Variants in ARL8A observed in about 807,000 individuals in gnomAD.
ARL8A encodes ADP-ribosylation factor-like protein 8A.
Under a neutral mutation model 31.2 loss-of-function variants are expected in ARL8A, and 10 were observed. The observed-to-expected ratio is 0.32, with a 90% confidence interval of 0.20 to 0.54. ARL8A has a LOEUF of 0.54. Ranked by LOEUF, ARL8A falls within the 20% of genes least tolerant of loss-of-function variation. The pLI is 0.93. For missense variants in ARL8A, 129 were observed against 242.8 expected (o/e 0.53, Z 3.12); for synonymous variants, 70 against 86.9 (o/e 0.81, Z 1.08).
rs545814538 is a variant in ARL8A, at chr1:202,144,718, C to T, written c.-146G>A. Reference sequence around the variant, plus strand: ...GGCTCGAGCGCGGCTGCCGACGACTCGCTGCCCCGGAATCGGCTCGCCGAT... The same window carrying T: ...GGCTCGAGCGCGGCTGCCGACGACTTGCTGCCCCGGAATCGGCTCGCCGAT... On this transcript the variant is annotated 5_prime_UTR_variant, in exon 1 of 7. Transcript: ENST00000272217. This position sits in a 1 kb window ranked among gnomAD's most constrained non-coding sequence, Gnocchi z 5.2. The T allele has an allele frequency of 4.1e-4, 358 of 868,058 alleles. 1 individual carries two copies. Among genetic ancestry groups the T allele is most frequent in the Admixed American group, 6.4e-4 (11 of 17,202 alleles). The allele number at this position is 868,058 out of a possible 1,614,324, so 53.8% of individuals were successfully genotyped here.
intron 3 of ARL8A, among the ~76,000 whole-genome samples, chr1:202,137,706 G>A (rs961694016): frequency 2.0e-5 from 3 of 152,158 alleles, no homozygotes; most frequent in African/African-American, 7.2e-5. Context: ...AGGGAGACAA[G>A]TCAATGAAGA....
In ARL8A at chr1:202,139,202, C is replaced by T. The variant is rs1262559046; in HGVS notation, c.124-754G>A. The stretch of plus-strand genomic sequence containing the variant: ...ACTACCTACAGTCTTCAAATAAGGC[C>T]AGACCCAACTCCCTCCCAGGTCATA... On this transcript the variant is annotated intron_variant, in intron 1 of 6. Coordinates refer to ENST00000272217, the MANE Select transcript of ARL8A (RefSeq NM_138795.4). Among the ~76,000 whole-genome samples, 19 of 152,228 alleles carry T rather than the reference C, an allele frequency of 1.2e-4. No homozygotes were observed. In the East Asian group the frequency reaches 3.3e-3, roughly 26 times the overall value.
Position 202,144,576 on chromosome 1 carries a change from C to G in ARL8A, c.-4G>C. On this transcript the variant is annotated 5_prime_UTR_variant, in exon 1 of 7. Coordinates refer to ENST00000272217, the MANE Select transcript of ARL8A (RefSeq NM_138795.4). The surrounding 1 kb of genome is among the most constrained non-coding windows in gnomAD (Gnocchi z 5.2). The stretch of plus-strand genomic sequence containing the variant: ...GCTTGTTGAACAAAGCGATCATGGT[C>G]GCTGCCGCCGGCCCCGCCCGGTGCC... The G allele has an allele frequency of 7.0e-7, 1 of 1,422,990 alleles. No homozygotes were observed. Among genetic ancestry groups the G allele is most frequent in the Non-Finnish European group, 9.4e-7 (1 of 1,066,920 alleles). The allele number at this position is 1,422,990 out of a possible 1,614,324, so 88.1% of individuals were successfully genotyped here.
At position 202,138,518 on chromosome 1, in the gene ARL8A, C is replaced by G; in HGVS notation, c.124-70G>C. ...GCCCCCACCGCAGACCAAGAGGCTG[C>G]GAGAACCATGCAGAGGCCAGGCCAG... is the stretch of plus-strand genomic sequence containing the variant. On this transcript the variant is annotated intron_variant, in intron 1 of 6. Coordinates refer to ENST00000272217, the MANE Select transcript of ARL8A (RefSeq NM_138795.4). The surrounding 1 kb of genome is among the most constrained non-coding windows in gnomAD (Gnocchi z 4.4). The G allele has an allele frequency of 1.4e-6, 2 of 1,466,532 alleles. No individual in the cohort carries two copies. The highest frequency in any genetic ancestry group is 9.5e-7 in the Non-Finnish European group (1 of 1,048,190). The allele number at this position is 1,466,532 out of a possible 1,614,324, so 90.8% of individuals were successfully genotyped here.
chr1:202,144,362 G>C lies in ARL8A; in HGVS notation c.123+88C>G, dbSNP rs1239897486. ...GCCGTGCCCGGCTATGCCAGGCGGC[G>C]ACCCCGGCTCAGCAGGGCGCGGCGC... On this transcript the variant is annotated intron_variant, in intron 1 of 6. Coordinates refer to ENST00000272217, the MANE Select transcript of ARL8A (RefSeq NM_138795.4). This position sits in a 1 kb window ranked among gnomAD's most constrained non-coding sequence, Gnocchi z 5.2. The C allele has an allele frequency of 1.1e-6, 1 of 929,002 alleles. No homozygotes were observed. Among genetic ancestry groups the C allele is most frequent in the Non-Finnish European group, 1.3e-6 (1 of 773,744 alleles). 57.5% of individuals were successfully genotyped at this position (929,002 alleles called of 1,614,324 possible).
At chr1:202,136,016 A>G (rs754208224) in intron 3 of ARL8A, among the ~76,000 whole-genome samples, 9 of 152,162 alleles carry the variant, frequency 5.9e-5, no homozygotes, top group Non-Finnish European at 1.2e-4. Flanking sequence ...TAGGCCTGCC[A>G]TTAGCCTCCA....
At chr1:202,141,597 G>A (rs1242054474) in intron 1 of ARL8A, among the ~76,000 whole-genome samples, 1 of 149,600 alleles carries the variant, frequency 6.7e-6, no homozygotes, top group Admixed American at 6.7e-5. Context: ...AGCCGAGACT[G>A]TACCACTGCA....
chr1:202,135,193 C>A lies in ARL8A; in HGVS notation c.468G>T (p.Glu156Asp). ...TGCAAGAGATGGAGTAGCAGCAGAT[C>A]TCTCGGTCCTGGATGGCAGACAGAT... ...KMNLSAIQDR[E>D]ICCYSISCKE... The change falls in exon 6 of 7, where the codon GAG becomes GAT. Residue 156 changes from glutamate to aspartate, a missense_variant. Transcript: ENST00000272217. The surrounding 1 kb of genome is among the most constrained non-coding windows in gnomAD (Gnocchi z 5.3). The A allele has an allele frequency of 6.2e-7, 1 of 1,614,192 alleles. No individual in the cohort carries two copies. The highest frequency in any genetic ancestry group is 8.5e-7 in the Non-Finnish European group (1 of 1,180,026).
Position 202,144,282 on chromosome 1 carries a change from G to A in ARL8A, c.123+168C>T, listed in dbSNP as rs1446694577. 6.6e-6 allele frequency among the ~76,000 whole-genome samples: 1 copy of A among 151,694 alleles called. No individual in the cohort carries two copies. Among genetic ancestry groups the A allele is most frequent in the East Asian group, 2.0e-4 (1 of 5,108 alleles). ...GCGCCGCCCCGGTCCCCCACGGCAC[G>A]GGCCGTACTAGGCCCCAAGCGCTCG... On this transcript the variant is annotated intron_variant, in intron 1 of 6. Coordinates refer to ENST00000272217, the MANE Select transcript of ARL8A (RefSeq NM_138795.4). This position sits in a 1 kb window ranked among gnomAD's most constrained non-coding sequence, Gnocchi z 5.2.
intron 1 of ARL8A, among the ~76,000 whole-genome samples, chr1:202,140,363 G>A (rs1247682427): frequency 6.7e-6 from 1 of 148,552 alleles, no homozygotes; most frequent in Non-Finnish European, 1.5e-5. Flanking sequence ...GGATGGTTTC[G>A]ATCTCCTGAC....
In ARL8A at chr1:202,134,126, A is replaced by G. The variant is rs1176437173; in HGVS notation, c.*341T>C. Reference sequence around the variant, plus strand: ...CATATATATACTGTACACACAGGACAATAACAGAGAGTGTTGAAAAGGGAG... The same window carrying G: ...CATATATATACTGTACACACAGGACGATAACAGAGAGTGTTGAAAAGGGAG... On this transcript the variant is annotated 3_prime_UTR_variant, in exon 7 of 7. Transcript: ENST00000272217. This position sits in a 1 kb window ranked among gnomAD's most constrained non-coding sequence, Gnocchi z 4.2. The G allele has an allele frequency of 2.9e-6, 1 of 341,772 alleles. No homozygotes were observed. Among genetic ancestry groups the G allele is most frequent in the East Asian group, 6.3e-5 (1 of 15,880 alleles). The allele number at this position is 341,772 out of a possible 1,614,324, so 21.2% of individuals were successfully genotyped here.
At position 202,138,690 on chromosome 1, in the gene ARL8A, C is replaced by G. The variant is rs1257380031; in HGVS notation, c.124-242G>C. On this transcript the variant is annotated intron_variant, in intron 1 of 6. Coordinates refer to ENST00000272217, the MANE Select transcript of ARL8A (RefSeq NM_138795.4). The surrounding 1 kb of genome is among the most constrained non-coding windows in gnomAD (Gnocchi z 4.4). ...TTGTCAGACAGTCTCAATCTCTTTG[C>G]CTAGACTAGGGGAAAATTCTTCCTC... 1.3e-5 allele frequency among the ~76,000 whole-genome samples: 2 copies of G among 152,174 alleles called. No homozygotes were observed. Among genetic ancestry groups the G allele is most frequent in the East Asian group, 1.9e-4 (1 of 5,190 alleles).
intron 3 of ARL8A, among the ~76,000 whole-genome samples, chr1:202,136,196 T>A (rs187116205): frequency 6.6e-6 from 1 of 152,306 alleles, no homozygotes; most frequent in Non-Finnish European, 1.5e-5. Context: ...AAGATACTTT[T>A]TGTTATCAGG....
At chr1:202,143,335 G>T (rs898453661) in intron 1 of ARL8A, among the ~76,000 whole-genome samples, 9 of 152,208 alleles carry the variant, frequency 5.9e-5, no homozygotes, top group Non-Finnish European at 1.0e-4. Flanking sequence ...CTTCTGCAAG[G>T]TGGGGCAACA....
At chr1:202,141,633 ACT>A (rs1297898341) in intron 1 of ARL8A, among the ~76,000 whole-genome samples, 3 of 148,372 alleles carry the variant, frequency 2.0e-5, no homozygotes, top group Admixed American at 1.4e-4. Context: ...ATAGAGCAAC[ACT>A]CTGTCTCAAA....
Position 202,138,564 on chromosome 1 carries a change from G to GT in ARL8A, c.124-117dup. The GT allele has an allele frequency of 1.1e-6, 1 of 928,258 alleles. No individual in the cohort carries two copies. Among genetic ancestry groups the GT allele is most frequent in the Non-Finnish European group, 1.7e-6 (1 of 589,978 alleles). 57.5% of individuals were successfully genotyped at this position (928,258 alleles called of 1,614,324 possible). On this transcript the variant is annotated intron_variant, in intron 1 of 6. Transcript: ENST00000272217. The surrounding 1 kb of genome is among the most constrained non-coding windows in gnomAD (Gnocchi z 4.4). The stretch of plus-strand genomic sequence containing the variant: ...GCCAGAGCTTCCTAGACTTCCCACT[G>GT]TGGGGTACTCTTGCACATCCTGTGC...
chr1:202,135,686 C>T lies in ARL8A; in HGVS notation c.372+21G>A, dbSNP rs753696379. On this transcript the variant is annotated intron_variant, in intron 4 of 6. Coordinates refer to ENST00000272217, the MANE Select transcript of ARL8A (RefSeq NM_138795.4). The surrounding 1 kb of genome is among the most constrained non-coding windows in gnomAD (Gnocchi z 5.3). ...TCCCAGCCGAGCTCCCTCCCCATCCCGCTCCCTCAGGTCTGCTGACCGGGA... is the reference window on the plus strand; with the variant it reads ...TCCCAGCCGAGCTCCCTCCCCATCCTGCTCCCTCAGGTCTGCTGACCGGGA... 6.8e-6 allele frequency: 11 copies of T among 1,609,964 alleles called. No homozygotes were observed. In the African/African-American group the frequency reaches 8.0e-5, roughly 12 times the overall value.
intron 3 of ARL8A, among the ~76,000 whole-genome samples, chr1:202,137,012 G>A (rs556069460): frequency 1.3e-5 from 2 of 151,994 alleles, no homozygotes; most frequent in African/African-American, 2.4e-5. Context: ...CTGCCACCAC[G>A]CCCAGCTAAT....
At chr1:202,139,969 C>T (rs1470873655) in intron 1 of ARL8A, among the ~76,000 whole-genome samples, 1 of 151,844 alleles carries the variant, frequency 6.6e-6, no homozygotes, top group Non-Finnish European at 1.5e-5. Context: ...CTTTACCATG[C>T]CTTTTTCTCC....
Sources: gnomAD v4.1 joint callset for allele counts (sites outside exome capture counted in the v4.1 genomes callset) on GRCh38, gnomAD v4.1.1 for gene constraint, Gnocchi (gnomAD v3.1) non-coding constraint, MANE v1.5 for transcripts, NCBI Gene and HGNC (gene_info 2026-07-23, HGNC 2026-07-21) for gene names.